Variants in ST3GAL2 observed in about 807,000 individuals in gnomAD.
The protein encoded by ST3GAL2 is ST3 beta-galactoside alpha-2,3-sialyltransferase 2, also known as CMP-N-acetylneuraminate-beta-galactosamide-alpha-2,3-sialyltransferase 2.
A neutral mutation model predicts 37.5 loss-of-function variants in ST3GAL2; 16 were observed. That is an observed-to-expected ratio of 0.43 (90% CI 0.29 to 0.65). The LOEUF is 0.65. Ranked by LOEUF, ST3GAL2 falls within the 30% of genes least tolerant of loss-of-function variation. The probability of loss-of-function intolerance (pLI) is 0.17; values close to 1 mark genes in which losing one functional copy is unlikely to be tolerated. For synonymous variants in ST3GAL2, 238 were observed against 202.9 expected (o/e 1.17, Z -1.47); for missense variants, 383 against 487.8 (o/e 0.79, Z 2.02).
rs777027486 is a variant in ST3GAL2, at chr16:70,382,904, G to C, written c.780C>G (p.Ala260=). ...DKEKVQIYNP[A]FFKYIHDRWT... ...ACCTGTCGTGGATATACTTGAAGAA[G>C]GCTGGGTTGTAGATCTGGACCTGGG... Residue 260 remains alanine, a synonymous_variant, in exon 6 of 7, where the codon GCC becomes GCG. Transcript: ENST00000342907. 1 of 1,613,862 alleles carries C rather than the reference G, an allele frequency of 6.2e-7. No homozygotes were observed. Among genetic ancestry groups the C allele is most frequent in the South Asian group, 1.1e-5 (1 of 91,032 alleles).
chr16:70,405,858 A>G (rs1267249160), intron 1 of ST3GAL2, among the ~76,000 whole-genome samples: 3 of 151,448 alleles, frequency 2.0e-5, no homozygotes, highest in African/African-American at 7.3e-5. Context: ...CAGGAGATCA[A>G]GACCATCCTG....
intron 3 of ST3GAL2, among the ~76,000 whole-genome samples, chr16:70,393,058 C>A (rs1055956700): frequency 6.6e-6 from 1 of 151,814 alleles, no homozygotes; most frequent in Non-Finnish European, 1.5e-5. Flanking sequence ...CCCTTCCTTA[C>A]CTGGCCCCTG....
chr16:70,385,378 G>A (rs1317465525), intron 4 of ST3GAL2, among the ~76,000 whole-genome samples: 2 of 152,162 alleles, frequency 1.3e-5, no homozygotes, highest in Non-Finnish European at 2.9e-5. Flanking sequence ...ACCTGGGGTT[G>A]AGGGGAGAAT....
intron 1 of ST3GAL2, among the ~76,000 whole-genome samples, chr16:70,438,151 G>A (rs1294957931): frequency 6.6e-6 from 1 of 152,226 alleles, no homozygotes; most frequent in Non-Finnish European, 1.5e-5. Flanking sequence ...ACAGGCAGAG[G>A]GAACCCGGAG....
chr16:70,404,697 T>C (rs186531956), intron 1 of ST3GAL2, among the ~76,000 whole-genome samples: 2 of 152,286 alleles, frequency 1.3e-5, no homozygotes, highest in African/African-American at 4.8e-5. Context: ...ATTCCACTTC[T>C]AGGTATATAC....
chr16:70,395,844 G>A (rs1323684691), intron 2 of ST3GAL2, among the ~76,000 whole-genome samples: 4 of 152,204 alleles, frequency 2.6e-5, no homozygotes, highest in Non-Finnish European at 5.9e-5. Flanking sequence ...TCTGAGCCCC[G>A]GCAAAGAGAG....
At chr16:70,423,171 T>A (rs1362119074) in intron 1 of ST3GAL2, 1 of 151,904 alleles carries the variant, frequency 6.6e-6, no homozygotes, top group East Asian at 1.9e-4. Flanking sequence ...ATCACACAGA[T>A]CTCCCCCCGG....
At chr16:70,386,265 G>A in intron 4 of ST3GAL2, among the ~76,000 whole-genome samples, 1 of 151,718 alleles carries the variant, frequency 6.6e-6, no homozygotes, top group East Asian at 1.9e-4. Context: ...TCGGCTCACT[G>A]CAAGCTCCGC....
In ST3GAL2 at chr16:70,381,070, C is replaced by G. The variant is rs1290072327; in HGVS notation, c.*619G>C. 6.5e-6 allele frequency: 1 copy of G among 152,740 alleles called. No homozygotes were observed. The highest frequency in any genetic ancestry group is 1.5e-5 in the Non-Finnish European group (1 of 68,300). 9.5% of individuals were successfully genotyped at this position (152,740 alleles called of 1,614,324 possible). A position where few individuals can be genotyped will look rare whatever the true frequency, so the allele number is the denominator to read the frequency against. On this transcript the variant is annotated 3_prime_UTR_variant, in exon 7 of 7. Coordinates refer to ENST00000342907, the MANE Select transcript of ST3GAL2 (RefSeq NM_006927.4). Reference sequence around the variant, plus strand: ...TTCGGCCCGGGAGCACCCCACCCCGCAGAGGGCGCCACTCCCGGCTTCCTG... The same window carrying G: ...TTCGGCCCGGGAGCACCCCACCCCGGAGAGGGCGCCACTCCCGGCTTCCTG...
At chr16:70,429,297 A>T (rs2047772006) in intron 1 of ST3GAL2, among the ~76,000 whole-genome samples, 1 of 152,200 alleles carries the variant, frequency 6.6e-6, no homozygotes, top group Admixed American at 6.5e-5. Flanking sequence ...AGATGGCTGA[A>T]GAATGAATCC....
chr16:70,418,196 C>A (rs1417989564), intron 1 of ST3GAL2, among the ~76,000 whole-genome samples: 1 of 152,222 alleles, frequency 6.6e-6, no homozygotes, highest in Non-Finnish European at 1.5e-5. Flanking sequence ...AGAGCCCTCA[C>A]TGACCCCTTA....
At chr16:70,391,714 G>C (rs1454972511) in intron 3 of ST3GAL2, among the ~76,000 whole-genome samples, 1 of 152,212 alleles carries the variant, frequency 6.6e-6, no homozygotes, top group East Asian at 1.9e-4. Flanking sequence ...AATTGGGCTG[G>C]TGACACAGGC....
intron 6 of ST3GAL2, 62 bp from the exon 7 acceptor site, chr16:70,381,924 G>A (rs1232043796): frequency 6.3e-7 from 1 of 1,596,288 alleles, no homozygotes. Context: ...CGCGGGGCGG[G>A]CTCGGGATGA....
chr16:70,399,386 C>T lies in ST3GAL2; in HGVS notation c.-856G>A, dbSNP rs141128546. 21 of 398,786 alleles carry T rather than the reference C, an allele frequency of 5.3e-5. No individual in the cohort carries two copies. Among genetic ancestry groups the T allele is most frequent in the Middle Eastern group, 6.3e-4 (1 of 1,590 alleles). The allele number at this position is 398,786 out of a possible 1,614,324, so 24.7% of individuals were successfully genotyped here. ...GGCGAGCTTGTGCTGAGCTCCCTAC[C>T]AGGGTCCAGGTCTCCTTCCTAATAC... On this transcript the variant is annotated 5_prime_UTR_variant, in exon 2 of 7. Coordinates refer to ENST00000342907, the MANE Select transcript of ST3GAL2 (RefSeq NM_006927.4).
intron 1 of ST3GAL2, among the ~76,000 whole-genome samples, chr16:70,416,513 C>T (rs2047677470): frequency 6.6e-6 from 1 of 152,266 alleles, no homozygotes; most frequent in South Asian, 2.1e-4. Flanking sequence ...CTAGCACTGT[C>T]CTGCATATAG....
In ST3GAL2 at chr16:70,381,421, G is replaced by GC; in HGVS notation, c.*267dup. On this transcript the variant is annotated 3_prime_UTR_variant, in exon 7 of 7. Transcript: ENST00000342907. ...GTGGGGATTGAGCGGCCGCTGGCCC[G>GC]CCCCCGAAGGCCATTGATTGGAGGA... is the stretch of plus-strand genomic sequence containing the variant. The GC allele has an allele frequency of 2.3e-6, 1 of 443,408 alleles. No individual in the cohort carries two copies. The highest frequency in any genetic ancestry group is 4.1e-6 in the Non-Finnish European group (1 of 246,094). The allele number at this position is 443,408 out of a possible 1,614,324, so 27.5% of individuals were successfully genotyped here.
In ST3GAL2 at chr16:70,379,096, C is replaced by T. The variant is rs2047374547; in HGVS notation, c.*2593G>A. ...GGCTGTGCCAGAGGGGAAAACCTGA[C>T]TTAGATGCACTTCCCTGAGAGGTGG... On this transcript the variant is annotated 3_prime_UTR_variant, in exon 7 of 7. Coordinates refer to ENST00000342907, the MANE Select transcript of ST3GAL2 (RefSeq NM_006927.4). 1 of 152,218 alleles carries T rather than the reference C, an allele frequency of 6.6e-6. No individual in the cohort carries two copies. Among genetic ancestry groups the T allele is most frequent in the Non-Finnish European group, 1.5e-5 (1 of 68,056 alleles). 9.4% of individuals were successfully genotyped at this position (152,218 alleles called of 1,614,324 possible).
At chr16:70,389,646 A>G (rs1485642069) in intron 3 of ST3GAL2, among the ~76,000 whole-genome samples, 1 of 151,756 alleles carries the variant, frequency 6.6e-6, no homozygotes, top group Non-Finnish European at 1.5e-5. Flanking sequence ...TTGTATTTTC[A>G]GTAGAGACGG....
chr16:70,405,465 C>T (rs1310804224), intron 1 of ST3GAL2, among the ~76,000 whole-genome samples: 2 of 148,452 alleles, frequency 1.3e-5, no homozygotes, highest in Non-Finnish European at 3.0e-5. Context: ...GGCATGAACC[C>T]GGGAGGCGGA....
Sources: allele counts gnomAD v4.1 joint callset (sites outside exome capture counted in the v4.1 genomes callset), GRCh38; gene constraint gnomAD v4.1.1; transcripts MANE v1.5; gene names NCBI Gene and HGNC (gene_info 2026-07-23, HGNC 2026-07-21).